The following PDSS2 variants were observed in gnomAD, a reference collection of about 807,000 sequenced individuals.
The protein encoded by PDSS2 is decaprenyl diphosphate synthase subunit 2.
In PDSS2, 31 loss-of-function variants were observed where a neutral mutation model predicts 44.5. The observed-to-expected ratio is 0.70, with a 90% CI of 0.52 to 0.94. The LOEUF is 0.94. PDSS2 is among the 40% of genes least tolerant of loss of function. The pLI, the probability that PDSS2 is intolerant of heterozygous loss-of-function variation, is 0.00. For synonymous variants in PDSS2, 157 were observed against 180.3 expected (o/e 0.87, Z 1.03); for missense variants, 452 against 482.2 (o/e 0.94, Z 0.59).
intron 3 of PDSS2, among the ~76,000 whole-genome samples, chr6:107,267,588 C>CTTT (rs55860139): frequency 2.3e-5 from 3 of 132,378 alleles, no homozygotes; most frequent in Admixed American, 7.8e-5. Flanking sequence ...GATTCTCTTT[C>CTTT]TTTTTTTTTT....
chr6:107,303,359 T>C (rs1363123860), intron 2 of PDSS2, among the ~76,000 whole-genome samples: 1 of 152,210 alleles, frequency 6.6e-6, no homozygotes, highest in East Asian at 1.9e-4. Flanking sequence ...GCAATTTCTT[T>C]GGACAGAGAT....
At chr6:107,167,332 T>C (rs1771389567) in intron 7 of PDSS2, among the ~76,000 whole-genome samples, 2 of 152,208 alleles carry the variant, frequency 1.3e-5, no homozygotes, top group Non-Finnish European at 1.5e-5. Flanking sequence ...ATATTCCCTT[T>C]ATCATTTTTT....
intron 2 of PDSS2, among the ~76,000 whole-genome samples, chr6:107,308,818 C>T (rs535544573): frequency 6.6e-6 from 1 of 152,234 alleles, no homozygotes; most frequent in Non-Finnish European, 1.5e-5. Flanking sequence ...ACAGGGCTCA[C>T]TGCCCCTGCC....
At chr6:107,186,884 G>GA (rs1248946223) in intron 7 of PDSS2, among the ~76,000 whole-genome samples, 1 of 152,134 alleles carries the variant, frequency 6.6e-6, no homozygotes, top group East Asian at 1.9e-4. Context: ...TGGAAATAAA[G>GA]AAATTTCCAG....
At chr6:107,458,837 A>T (rs1041485177) in intron 1 of PDSS2, among the ~76,000 whole-genome samples, 153 bp downstream of exon 1, 1 of 152,212 alleles carries the variant, frequency 6.6e-6, no homozygotes, top group African/African-American at 2.4e-5. Flanking sequence ...TAGAGAAGAG[A>T]CAACACGGAA....
chr6:107,347,701 G>T (rs987823919), intron 1 of PDSS2, among the ~76,000 whole-genome samples: 19 of 152,116 alleles, frequency 1.2e-4, no homozygotes, highest in Non-Finnish European at 2.1e-4. Flanking sequence ...CTAATCAAAA[G>T]AAATAATTTA....
intron 2 of PDSS2, among the ~76,000 whole-genome samples, chr6:107,301,753 A>C (rs1776701578): frequency 6.6e-6 from 1 of 151,958 alleles, no homozygotes; most frequent in Non-Finnish European, 1.5e-5. Flanking sequence ...CACGAGGTCA[A>C]GAGTTTGAGA....
chr6:107,301,188 A>G (rs1776682623), intron 2 of PDSS2, among the ~76,000 whole-genome samples: 1 of 152,232 alleles, frequency 6.6e-6, no homozygotes. Context: ...CTTTGTGTGT[A>G]TATATTACTC....
intron 4 of PDSS2, among the ~76,000 whole-genome samples, chr6:107,224,223 TG>T (rs1420365571): frequency 3.3e-5 from 5 of 151,398 alleles, no homozygotes; most frequent in Non-Finnish European, 7.4e-5. Flanking sequence ...ACAGGACAGT[TG>T]CTCATCCAGG....
At chr6:107,280,888 C>T (rs553350918) in intron 2 of PDSS2, among the ~76,000 whole-genome samples, 16 of 152,104 alleles carry the variant, frequency 1.1e-4, no homozygotes, top group Non-Finnish European at 2.1e-4. Flanking sequence ...TAAAAATATA[C>T]AGAAAAGTAC....
intron 1 of PDSS2, among the ~76,000 whole-genome samples, chr6:107,367,615 C>G (rs187837759): frequency 3.2e-4 from 48 of 152,136 alleles, no homozygotes; most frequent in African/African-American, 1.1e-3. Context: ...AAAACCCCTT[C>G]TCTACTAAAA....
chr6:107,210,279 T>C (rs989611695), intron 6 of PDSS2, among the ~76,000 whole-genome samples, 160 bp downstream of exon 6: 1 of 152,212 alleles, frequency 6.6e-6, no homozygotes, highest in Admixed American at 6.5e-5. Flanking sequence ...TTAACTAATC[T>C]TTTACCTCTT....
In PDSS2 at chr6:107,264,341, G is replaced by A. The variant is rs1775343416; in HGVS notation, c.630+9688C>T. 6 of 1,504,464 alleles carry A rather than the reference G, an allele frequency of 4.0e-6. No individual in the cohort carries two copies. In the Admixed American group the frequency reaches 6.9e-5, roughly 17 times the overall value. The allele number at this position is 1,504,464 out of a possible 1,614,324, so 93.2% of individuals were successfully genotyped here. On this transcript the variant is annotated intron_variant, in intron 3 of 7. Transcript: ENST00000369037. ...TAACATAAGGAAATACATCAGCTAT[G>A]TAAAGAGTACATCTGTGCCACTGGT...
chr6:107,291,854 A>G (rs1776360264), intron 2 of PDSS2, among the ~76,000 whole-genome samples: 1 of 152,018 alleles, frequency 6.6e-6, no homozygotes. Context: ...TTTCTATTTA[A>G]AAAAGAAAAG....
chr6:107,338,444 G>C (rs1296011367), intron 1 of PDSS2, among the ~76,000 whole-genome samples: 1 of 152,208 alleles, frequency 6.6e-6, no homozygotes, highest in African/African-American at 2.4e-5. Flanking sequence ...GCCAGGCTTG[G>C]TGCTAAACAG....
chr6:107,451,859 G>C (rs1477278715), intron 1 of PDSS2, among the ~76,000 whole-genome samples: 2 of 152,164 alleles, frequency 1.3e-5, no homozygotes, highest in African/African-American at 4.8e-5. Flanking sequence ...GACCCCGCCA[G>C]ACTTTGTAGC....
Position 107,349,710 on chromosome 6 carries a change from T to G in PDSS2, c.297-15378A>C, listed in dbSNP as rs528671669. Among the ~76,000 whole-genome samples, 59 of 148,590 alleles carry G rather than the reference T, an allele frequency of 4.0e-4. 1 individual carries two copies. The South Asian group carries it at 7.9e-3, about 20-fold the overall frequency. The stretch of plus-strand genomic sequence containing the variant: ...GTTGTAGTGAGCCGAGATCGTGCCA[T>G]TGCACTCCAGCCTGGGTGACAAGAG... On this transcript the variant is annotated intron_variant, in intron 1 of 7. Coordinates refer to ENST00000369037, the MANE Select transcript of PDSS2 (RefSeq NM_020381.4).
At chr6:107,418,836 G>C (rs319088) in intron 1 of PDSS2, among the ~76,000 whole-genome samples, 2 of 151,934 alleles carry the variant, frequency 1.3e-5, no homozygotes, top group African/African-American at 4.8e-5. Flanking sequence ...CACTAGCTTC[G>C]TGATCATTTG....
At chr6:107,390,357 T>C (rs1779742238) in intron 1 of PDSS2, among the ~76,000 whole-genome samples, 1 of 152,122 alleles carries the variant, frequency 6.6e-6, no homozygotes, top group African/African-American at 2.4e-5. Flanking sequence ...TGTATCATTC[T>C]GAAAAACCAT....
Sources: allele counts gnomAD v4.1 joint callset (sites outside exome capture counted in the v4.1 genomes callset), GRCh38; gene constraint gnomAD v4.1.1; transcripts MANE v1.5; gene names NCBI Gene and HGNC (gene_info 2026-07-23, HGNC 2026-07-21).